The following EDARADD variants were observed in gnomAD, a reference collection of about 807,000 sequenced individuals.
EDARADD encodes the protein EDAR associated via death domain.
EDARADD carries 20 observed loss-of-function variants against 25.6 expected under a neutral mutation model. The ratio of observed to expected loss-of-function variants is 0.78; its 90% CI spans 0.55 to 1.14. EDARADD has a LOEUF of 1.14. Among genes scored for constraint, EDARADD ranks in the 50% most tolerant of loss-of-function variants. The pLI is 0.00. For synonymous variants in EDARADD, 86 were observed against 94.4 expected, an observed-to-expected ratio of 0.91 and a Z score of 0.52; for missense variants, 225 against 270.1, an observed-to-expected ratio of 0.83 and a Z score of 1.17.
intron 5 of EDARADD, among the ~76,000 whole-genome samples, chr1:236,477,672 T>G (rs56027777): frequency 0.064 from 9,722 of 151,334 alleles, 1,053 homozygotes; most frequent in African/African-American, 0.22. Context: ...CGGTGAGAGG[T>G]AGAGGGAAGG....
chr1:236,420,767 A>G, intron 3 of EDARADD, among the ~76,000 whole-genome samples: 1 of 151,854 alleles, frequency 6.6e-6, no homozygotes. Context: ...TTTGAGATGG[A>G]GTCTCGCTCT....
In EDARADD at chr1:236,409,328, T is replaced by G; in HGVS notation, c.120+54T>G. 7.7e-6 allele frequency: 11 copies of G among 1,432,526 alleles called. 1 individual carries two copies. In the South Asian group the frequency reaches 1.3e-4, roughly 17 times the overall value. The allele number at this position is 1,432,526 out of a possible 1,614,324, so 88.7% of individuals were successfully genotyped here. ...ATAATTATTGTTTTGCTTTTTTTCT[T>G]TGTTATTTCTTTACGTTTTTATTAC... On this transcript the variant is annotated intron_variant, in intron 2 of 5. Transcript: ENST00000334232.
At chr1:236,458,194 A>T (rs751235616) in intron 4 of EDARADD, among the ~76,000 whole-genome samples, 1 of 152,240 alleles carries the variant, frequency 6.6e-6, no homozygotes, top group Non-Finnish European at 1.5e-5. Context: ...GATCCTACAG[A>T]ACTCATTACA....
chr1:236,437,804 TGATCTCA>T (rs11279278), intron 4 of EDARADD, among the ~76,000 whole-genome samples: 7,886 of 146,700 alleles, frequency 0.054, 601 homozygotes, highest in African/African-American at 0.17. Flanking sequence ...TGCAATGGCG[TGATCTCA>T]GATCTCAGCC....
In EDARADD at chr1:236,371,112, C is replaced by T. The variant is rs1667167847; in HGVS notation, c.-6+20273C>T. ...ACTTTAGGGGTAGGTTTGCATAGTA[C>T]CCCCCAAGAAACATAGATCTTGTAC... On this transcript the variant is annotated intron_variant, in intron 3 of 7. Coordinates refer to the EDARADD transcript ENST00000439430. Among the ~76,000 whole-genome samples the T allele has an allele frequency of 2.0e-5, 3 of 152,228 alleles. 1 individual carries two copies. In the South Asian group the frequency reaches 6.2e-4, roughly 32 times the overall value.
At chr1:236,472,088 A>C (rs928917212) in intron 5 of EDARADD, among the ~76,000 whole-genome samples, 4 of 152,080 alleles carry the variant, frequency 2.6e-5, no homozygotes, top group African/African-American at 9.7e-5. Context: ...TTTACAGTAT[A>C]ATTTTAAAAT....
intron 2 of EDARADD, among the ~76,000 whole-genome samples, chr1:236,411,900 C>T (rs1657497359): frequency 6.6e-6 from 1 of 152,164 alleles, no homozygotes; most frequent in Admixed American, 6.6e-5. Context: ...AGGGCCTACC[C>T]TCCTCATAAC....
chr1:236,421,990 A>T (rs1224982045), intron 3 of EDARADD, among the ~76,000 whole-genome samples: 1 of 152,236 alleles, frequency 6.6e-6, no homozygotes, highest in South Asian at 2.1e-4. Flanking sequence ...TGAGATGGTC[A>T]TCAAAAACAG....
intron 3 of EDARADD, among the ~76,000 whole-genome samples, chr1:236,355,176 A>C (rs928633504): frequency 4.6e-5 from 7 of 152,226 alleles, no homozygotes; most frequent in African/African-American, 1.2e-4. Flanking sequence ...TACAATATGA[A>C]ATACATTCAG....
chr1:236,447,221 T>TTTCTTTCTTTCTTTC (rs1558127469), intron 4 of EDARADD, among the ~76,000 whole-genome samples: 1 of 36,812 alleles, frequency 2.7e-5, no homozygotes, highest in Non-Finnish European at 8.1e-5. Flanking sequence ...TCTTTCTTTC[T>TTTCTTTCTTTCTTTC]TTCCTTTCTT....
intron 3 of EDARADD, among the ~76,000 whole-genome samples, chr1:236,419,869 C>A (rs920354648): frequency 2.0e-5 from 3 of 152,172 alleles, no homozygotes; most frequent in Admixed American, 6.6e-5. Context: ...TCTAGCAGCT[C>A]AGCGCATAAT....
chr1:236,403,148 G>T (rs1408366591), intron 1 of EDARADD, among the ~76,000 whole-genome samples: 1 of 152,012 alleles, frequency 6.6e-6, no homozygotes, highest in Non-Finnish European at 1.5e-5. Context: ...TAGAGATGGG[G>T]TTTCACCATG....
In EDARADD at chr1:236,451,181, C is replaced by T. The variant is rs576105516; in HGVS notation, c.220-17050C>T. Among the ~76,000 whole-genome samples, 4 of 152,272 alleles carry T rather than the reference C, an allele frequency of 2.6e-5. No homozygotes were observed. In the East Asian group the frequency reaches 7.7e-4, roughly 29 times the overall value. ...GATGATAGAATCTACTATCTTGATT[C>T]TATCGCCATGGCCTCTGGAGCTAGA... On this transcript the variant is annotated intron_variant, in intron 4 of 5. Coordinates refer to ENST00000334232, the MANE Select transcript of EDARADD (RefSeq NM_145861.4).
intron 3 of EDARADD, among the ~76,000 whole-genome samples, chr1:236,356,756 CAAAA>C (rs10550022): frequency 1.3e-5 from 2 of 148,302 alleles, no homozygotes; most frequent in Non-Finnish European, 3.0e-5. Context: ...CAAAACAAAA[CAAAA>C]AAAAAAACCA....
At chr1:236,410,743 A>G (rs1657445017) in intron 2 of EDARADD, among the ~76,000 whole-genome samples, 1 of 152,250 alleles carries the variant, frequency 6.6e-6, no homozygotes, top group Non-Finnish European at 1.5e-5. Context: ...TTACAGCGAC[A>G]CAGAATACAC....
chr1:236,406,411 A>G (rs1667740276), intron 1 of EDARADD, among the ~76,000 whole-genome samples: 2 of 152,200 alleles, frequency 1.3e-5, no homozygotes, highest in Non-Finnish European at 2.9e-5. Flanking sequence ...ATGGTTTCGT[A>G]GTTGGTGAGC....
At chr1:236,422,823 C>T (rs1479777034) in intron 3 of EDARADD, among the ~76,000 whole-genome samples, 1 of 152,156 alleles carries the variant, frequency 6.6e-6, no homozygotes, top group Non-Finnish European at 1.5e-5. Flanking sequence ...TAGCTCCATC[C>T]TGTATCAAGG....
At chr1:236,381,569 T>G (rs924977550) in intron 3 of EDARADD, among the ~76,000 whole-genome samples, 2 of 151,942 alleles carry the variant, frequency 1.3e-5, no homozygotes, top group African/African-American at 4.8e-5. Flanking sequence ...ATTAGTTTTA[T>G]CTCTACATAT....
intron 3 of EDARADD, among the ~76,000 whole-genome samples, chr1:236,371,978 G>A (rs1667177817): frequency 6.6e-6 from 1 of 150,594 alleles, no homozygotes; most frequent in African/African-American, 2.4e-5. Context: ...TTTTTGAGAT[G>A]GAGTCTCGCT....
Sources: gnomAD v4.1 joint callset for allele counts (sites outside exome capture counted in the v4.1 genomes callset) on GRCh38, gnomAD v4.1.1 for gene constraint, MANE v1.5 for transcripts, NCBI Gene and HGNC (gene_info 2026-07-23, HGNC 2026-07-21) for gene names.